Variants in KDM7A observed in about 807,000 individuals in gnomAD.
KDM7A encodes lysine demethylase 7A.
KDM7A carries 28 observed loss-of-function variants against 114.8 expected under a neutral mutation model. The ratio of observed to expected loss-of-function variants is 0.24; its 90% CI spans 0.18 to 0.33. The LOEUF (loss-of-function observed/expected upper bound fraction) is 0.33, where lower values mean the gene tolerates loss of function less well. KDM7A is among the 10% of genes least tolerant of loss of function. The pLI, the probability that KDM7A is intolerant of heterozygous loss-of-function variation, is 1.00. For synonymous variants in KDM7A, 423 were observed against 397.8 expected (o/e 1.06, Z -0.75); for missense variants, 942 against 1,142.5 (o/e 0.82, Z 2.53).
chr7:140,130,353 C>T (rs1316933706), intron 3 of KDM7A, among the ~76,000 whole-genome samples: 1 of 152,108 alleles, frequency 6.6e-6, no homozygotes, highest in Non-Finnish European at 1.5e-5. Flanking sequence ...GGCACGGTGG[C>T]TCATGTCTGT....
intron 11 of KDM7A, among the ~76,000 whole-genome samples, chr7:140,102,502 C>A (rs959294609): frequency 6.6e-6 from 1 of 152,168 alleles, no homozygotes; most frequent in Admixed American, 6.5e-5. Flanking sequence ...CCTACCTTAG[C>A]CTCCCAAGTA....
chr7:140,175,705 C>T (rs114619924), intron 1 of KDM7A, among the ~76,000 whole-genome samples: 2 of 152,256 alleles, frequency 1.3e-5, no homozygotes, highest in South Asian at 4.1e-4. Flanking sequence ...GGAGGCGGCC[C>T]GAGCTCTCAA....
intron 1 of KDM7A, among the ~76,000 whole-genome samples, chr7:140,157,944 G>A (rs1794476297): frequency 1.3e-5 from 2 of 150,960 alleles, no homozygotes; most frequent in African/African-American, 4.9e-5. Context: ...ACTCCAGCCT[G>A]GGCCACAGAG....
intron 1 of KDM7A, among the ~76,000 whole-genome samples, chr7:140,147,337 C>A (rs920133031): frequency 6.6e-6 from 1 of 152,036 alleles, no homozygotes; most frequent in Non-Finnish European, 1.5e-5. Context: ...TATATTGTGG[C>A]AAAATTTTTT....
chr7:140,098,972 C>T lies in KDM7A; in HGVS notation c.1825G>A (p.Asp609Asn). The change falls in exon 14 of 20, where the codon GAT (aspartate) becomes AAT (asparagine). Residue 609 changes from aspartate to asparagine, a missense_variant. Transcript: ENST00000397560. ...TTTGCCTTTTTTGTCCTTCTTTTAT[C>T]CTCTTCATTTTCACTATCTGCTGTA... ...LYTADSENEE[D>N]KRRTKKAKMK... 6.2e-7 allele frequency: 1 copy of T among 1,613,142 alleles called. No individual in the cohort carries two copies. The highest frequency in any genetic ancestry group is 1.3e-5 in the African/African-American group (1 of 74,930).
At chr7:140,106,249 T>C (rs550126987) in intron 11 of KDM7A, among the ~76,000 whole-genome samples, 13 of 152,290 alleles carry the variant, frequency 8.5e-5, no homozygotes, top group Middle Eastern at 3.4e-3. Flanking sequence ...CCTAGATTCA[T>C]TGATTTTTTT....
At chr7:140,135,261 T>G (rs1818849325) in intron 2 of KDM7A, among the ~76,000 whole-genome samples, 1 of 150,174 alleles carries the variant, frequency 6.7e-6, no homozygotes, top group African/African-American at 2.5e-5. Context: ...TGGAGTGCAG[T>G]GGCATGATCT....
chr7:140,154,307 A>AC (rs755364428), intron 1 of KDM7A, among the ~76,000 whole-genome samples: 2 of 148,566 alleles, frequency 1.3e-5, no homozygotes, highest in African/African-American at 5.0e-5. Flanking sequence ...GCATAATGAG[A>AC]CCCCCGTCAC....
intron 1 of KDM7A, among the ~76,000 whole-genome samples, chr7:140,168,743 T>C (rs1193897088): frequency 6.6e-6 from 1 of 152,240 alleles, no homozygotes; most frequent in Non-Finnish European, 1.5e-5. Flanking sequence ...AGAAGTACTA[T>C]ATACACAAAT....
chr7:140,134,423 T>C (rs1818836846), intron 2 of KDM7A, among the ~76,000 whole-genome samples: 1 of 152,108 alleles, frequency 6.6e-6, no homozygotes, highest in South Asian at 2.1e-4. Flanking sequence ...TTTCAAACTG[T>C]GTGGAAGAAC....
chr7:140,123,794 T>C (rs1325853997), intron 7 of KDM7A, among the ~76,000 whole-genome samples: 2 of 152,138 alleles, frequency 1.3e-5, no homozygotes. Context: ...TAGAAAATAG[T>C]ATGCCGGCCG....
intron 1 of KDM7A, among the ~76,000 whole-genome samples, chr7:140,164,395 T>C (rs377115236): frequency 1.1e-4 from 17 of 152,260 alleles, no homozygotes; most frequent in African/African-American, 4.1e-4. Flanking sequence ...TTTAGTAGCA[T>C]CCCTGCCCTC....
chr7:140,124,786 A>G lies in KDM7A; in HGVS notation c.889-3T>C. 1 of 1,589,996 alleles carries G rather than the reference A, an allele frequency of 6.3e-7. No homozygotes were observed. Among genetic ancestry groups the G allele is most frequent in the Non-Finnish European group, 8.6e-7 (1 of 1,164,376 alleles). ...ATTAAATAAAAAATCTTCTCACCCT[A>G]AAAGGAAGTATCATACTATTTTTGA... On this transcript the variant is annotated splice_region_variant and splice_polypyrimidine_tract_variant and intron_variant, in intron 6 of 19. Transcript: ENST00000397560.
At position 140,176,271 on chromosome 7, in the gene KDM7A, G is replaced by T. The variant is rs942299787; in HGVS notation, c.194+473C>A. ...GCGGGGCCGGGGCGACCCCATCGCC[G>T]CCCGGAAGGAAGGCAGGCGCGTCGG... On this transcript the variant is annotated intron_variant, in intron 1 of 19. Coordinates refer to ENST00000397560, the MANE Select transcript of KDM7A (RefSeq NM_030647.2). This position sits in a 1 kb window ranked among gnomAD's most constrained non-coding sequence, Gnocchi z 4.4. 6.0e-5 allele frequency among the ~76,000 whole-genome samples: 9 copies of T among 150,412 alleles called. No individual in the cohort carries two copies. The highest frequency in any genetic ancestry group is 2.2e-4 in the African/African-American group (9 of 41,162).
At chr7:140,116,711 ATAAAC>A (rs1395743662) in intron 9 of KDM7A, among the ~76,000 whole-genome samples, 1 of 142,356 alleles carries the variant, frequency 7.0e-6, no homozygotes, top group Non-Finnish European at 1.5e-5. Context: ...TAAAGTAAAT[ATAAAC>A]ACACATCAAC....
intron 3 of KDM7A, among the ~76,000 whole-genome samples, chr7:140,130,528 G>T (rs1464893614): frequency 1.3e-5 from 2 of 151,902 alleles, no homozygotes; most frequent in Non-Finnish European, 2.9e-5. Context: ...GGCTGAGGCA[G>T]GAGAATCGCT....
chr7:140,129,457 TG>T, intron 4 of KDM7A, 35 bp downstream of exon 4: 1 of 1,534,522 alleles, frequency 6.5e-7, no homozygotes, highest in Non-Finnish European at 9.0e-7. Flanking sequence ...ACTTTTACCA[TG>T]TTTTCCCAGG....
intron 1 of KDM7A, among the ~76,000 whole-genome samples, chr7:140,168,431 A>T (rs1308545128): frequency 6.6e-6 from 1 of 152,074 alleles, no homozygotes; most frequent in African/African-American, 2.4e-5. Flanking sequence ...AGCCGGGCAC[A>T]GTGGCACATG....
intron 14 of KDM7A, 87 bp downstream of exon 14, chr7:140,098,792 T>A: frequency 1.7e-6 from 2 of 1,208,468 alleles, no homozygotes; most frequent in Non-Finnish European, 2.4e-6. Flanking sequence ...TATTTTAAAC[T>A]TAAGAACTTC....
Sources: allele counts gnomAD v4.1 joint callset (sites outside exome capture counted in the v4.1 genomes callset), GRCh38; gene constraint gnomAD v4.1.1; non-coding constraint Gnocchi (gnomAD v3.1); transcripts MANE v1.5; gene names NCBI Gene and HGNC (gene_info 2026-07-23, HGNC 2026-07-21).